The following RPSA2 variants were observed in gnomAD, a reference collection of about 807,000 sequenced individuals.
RPSA2 encodes the protein small ribosomal subunit protein uS2B.
chr19:23,828,080 G>A, the RPSA2 span: 435 of 562,946 alleles, frequency 7.7e-4, 1 homozygote, highest in African/African-American at 8.2e-3. Context: ...TAAGCAGCAT[G>A]GAAAAATGGT....
the RPSA2 span, chr19:23,827,687 T>C: frequency 1.9e-6 from 3 of 1,594,432 alleles, no homozygotes; most frequent in Non-Finnish European, 2.6e-6. Flanking sequence ...TTTGATGTGG[T>C]GGATGCTGGC....
At chr19:23,800,294 G>A in the RPSA2 span, among the ~76,000 whole-genome samples, 4 of 151,836 alleles carry the variant, frequency 2.6e-5, no homozygotes, top group African/African-American at 9.7e-5. Context: ...GACCCGCCTT[G>A]GCCTCCCAAA....
chr19:23,802,149 A>G, the RPSA2 span, among the ~76,000 whole-genome samples: 148,931 of 152,256 alleles, frequency 0.98, 72,931 homozygotes, highest in Middle Eastern at 1. Context: ...TGAGAGTGTG[A>G]CTCTTTGACC....
chr19:23,765,027 G>A, the RPSA2 span, among the ~76,000 whole-genome samples: 4 of 152,168 alleles, frequency 2.6e-5, no homozygotes, highest in African/African-American at 4.8e-5. Context: ...CCCCTGAGTC[G>A]TCTCTTAGAG....
At chr19:23,836,197 C>A in the RPSA2 span, among the ~76,000 whole-genome samples, 3 of 152,124 alleles carry the variant, frequency 2.0e-5, no homozygotes, top group Non-Finnish European at 4.4e-5. Context: ...ATTCTTATAC[C>A]TTTCCATTCT....
the RPSA2 span, among the ~76,000 whole-genome samples, chr19:23,837,224 C>T: frequency 1.3e-5 from 2 of 151,952 alleles, no homozygotes; most frequent in African/African-American, 2.4e-5. Flanking sequence ...ATCCCAGTAC[C>T]GTTTGTTGAA....
At chr19:23,783,033 C>G in the RPSA2 span, among the ~76,000 whole-genome samples, 847 of 152,114 alleles carry the variant, frequency 5.6e-3, 4 homozygotes, top group African/African-American at 0.019. Context: ...GCGTCCATCA[C>G]CTACATGGTG....
At chr19:23,859,812 A>G in the RPSA2 span, among the ~76,000 whole-genome samples, 11 of 152,224 alleles carry the variant, frequency 7.2e-5, no homozygotes, top group African/African-American at 1.4e-4. Context: ...AAAGAAAAGG[A>G]GTCCCTGCTT....
chr19:23,815,602 A>T, the RPSA2 span, among the ~76,000 whole-genome samples: 1 of 152,196 alleles, frequency 6.6e-6, no homozygotes, highest in Non-Finnish European at 1.5e-5. Context: ...ATTGTGAGCC[A>T]TATAATCTTT....
chr19:23,815,084 G>T, the RPSA2 span, among the ~76,000 whole-genome samples: 10 of 152,104 alleles, frequency 6.6e-5, no homozygotes, highest in Non-Finnish European at 1.5e-4. Context: ...AACTCCAAGT[G>T]ATCCTCCTAC....
At chr19:23,797,655 ATCTG>A in the RPSA2 span, among the ~76,000 whole-genome samples, 1 of 152,184 alleles carries the variant, frequency 6.6e-6, no homozygotes, top group East Asian at 1.9e-4. Flanking sequence ...TTCTTCAGTT[ATCTG>A]TCTATTAGTG....
At chr19:23,863,324 G>T in the RPSA2 span, among the ~76,000 whole-genome samples, 2 of 152,162 alleles carry the variant, frequency 1.3e-5, no homozygotes. Flanking sequence ...AGCACATTGG[G>T]AGGCTAAGGA....
the RPSA2 span, among the ~76,000 whole-genome samples, chr19:23,868,914 A>G: frequency 6.6e-6 from 1 of 152,286 alleles, no homozygotes; most frequent in South Asian, 2.1e-4. Flanking sequence ...AACTGGAGTC[A>G]TGGTGACATC....
At chr19:23,792,280 G>C in the RPSA2 span, among the ~76,000 whole-genome samples, 1 of 152,160 alleles carries the variant, frequency 6.6e-6, no homozygotes, top group African/African-American at 2.4e-5. Context: ...GCCTGCAAAA[G>C]GAGGTTATTA....
At chr19:23,786,637 G>A in the RPSA2 span, among the ~76,000 whole-genome samples, 2 of 152,058 alleles carry the variant, frequency 1.3e-5, no homozygotes. Context: ...CTGCGTGCAG[G>A]GGACCTTGTG....
chr19:23,808,546 T>C, the RPSA2 span, among the ~76,000 whole-genome samples: 148,846 of 152,186 alleles, frequency 0.98, 72,884 homozygotes, highest in East Asian at 1. Flanking sequence ...CGTGAGCCAC[T>C]GCGCCTGACC....
the RPSA2 span, among the ~76,000 whole-genome samples, chr19:23,775,236 C>T: frequency 6.6e-6 from 1 of 152,184 alleles, no homozygotes; most frequent in Admixed American, 6.5e-5. Flanking sequence ...ACAGAGCCTA[C>T]TGGTGTGGTC....
chr19:23,804,972 T>C, the RPSA2 span, among the ~76,000 whole-genome samples: 1 of 150,934 alleles, frequency 6.6e-6, no homozygotes, highest in African/African-American at 2.4e-5. Context: ...GAGAGTTAAG[T>C]GCCGCCTTTG....
the RPSA2 span, among the ~76,000 whole-genome samples, chr19:23,847,671 T>C: frequency 0.051 from 7,759 of 152,264 alleles, 348 homozygotes; most frequent in South Asian, 0.079. Flanking sequence ...AGCAGATAAC[T>C]GGTCTGACCA....
Sources: gnomAD v4.1 joint callset for allele counts (sites outside exome capture counted in the v4.1 genomes callset) on GRCh38, gnomAD v4.1.1 for gene constraint, MANE v1.5 for transcripts, NCBI Gene and HGNC (gene_info 2026-07-23, HGNC 2026-07-21) for gene names.